Variants in TFPI observed in about 807,000 individuals in gnomAD.
TFPI encodes tissue factor pathway inhibitor.
In TFPI, 15 loss-of-function variants were observed where a neutral mutation model predicts 34.6. That is an observed-to-expected ratio of 0.43 (90% confidence interval 0.29 to 0.67). The LOEUF is 0.67. Ranked by LOEUF, TFPI falls within the 30% of genes least tolerant of loss-of-function variation. The probability of loss-of-function intolerance (pLI) is 0.15; values close to 1 mark genes in which losing one functional copy is unlikely to be tolerated. For synonymous variants in TFPI, 105 were observed against 120.1 expected, an observed-to-expected ratio of 0.87 and a Z score of 0.82; for missense variants, 301 against 364.0, an observed-to-expected ratio of 0.83 and a Z score of 1.41.
At chr2:187,484,246 A>G in intron 5 of TFPI, 30 bp from the exon 6 acceptor site, 1 of 1,582,036 alleles carries the variant, frequency 6.3e-7, no homozygotes, top group Non-Finnish European at 8.7e-7. Context: ...ATTAAAATAG[A>G]TAAACATTGT....
chr2:187,467,140 A>C (rs918979552), intron 7 of TFPI, 98 bp from the exon 8 acceptor site: 7 of 785,228 alleles, frequency 8.9e-6, no homozygotes, highest in African/African-American at 1.8e-5. Flanking sequence ...ATTTAAATCC[A>C]AAAGATGTTA....
At chr2:187,542,512 A>T (rs1159355028) in intron 1 of TFPI, among the ~76,000 whole-genome samples, 1 of 152,152 alleles carries the variant, frequency 6.6e-6, no homozygotes, top group Non-Finnish European at 1.5e-5. Context: ...GTAGACTTTT[A>T]AAAATGTGAA....
At chr2:187,529,154 TG>T (rs1432437188) in intron 1 of TFPI, among the ~76,000 whole-genome samples, 2 of 152,188 alleles carry the variant, frequency 1.3e-5, no homozygotes, top group Non-Finnish European at 2.9e-5. Context: ...GTTTGAAGTT[TG>T]GTAAGAATGC....
chr2:187,547,938 G>A (rs1263867610), intron 1 of TFPI, among the ~76,000 whole-genome samples: 1 of 152,004 alleles, frequency 6.6e-6, no homozygotes, highest in Non-Finnish European at 1.5e-5. Flanking sequence ...ATGGTGACCA[G>A]AGATTTGATA....
intron 3 of TFPI, among the ~76,000 whole-genome samples, chr2:187,492,686 G>A (rs1170028067): frequency 2.6e-5 from 4 of 152,140 alleles, no homozygotes; most frequent in African/African-American, 9.7e-5. Context: ...CTGCCCTGCT[G>A]GATTTTGGAC....
At chr2:187,533,061 C>T (rs1204290984) in intron 1 of TFPI, among the ~76,000 whole-genome samples, 1 of 152,156 alleles carries the variant, frequency 6.6e-6, no homozygotes, top group Non-Finnish European at 1.5e-5. Context: ...AACAGCAGCC[C>T]CAGTCAGGGG....
chr2:187,498,225 A>C (rs988119350), intron 2 of TFPI, among the ~76,000 whole-genome samples: 1 of 151,824 alleles, frequency 6.6e-6, no homozygotes, highest in Non-Finnish European at 1.5e-5. Flanking sequence ...ATACAGGATA[A>C]GTTTTTGGAG....
intron 1 of TFPI, among the ~76,000 whole-genome samples, chr2:187,512,422 G>A (rs768407585): frequency 1.3e-5 from 2 of 151,668 alleles, no homozygotes; most frequent in African/African-American, 2.4e-5. Flanking sequence ...TTCCTAACAG[G>A]GGATTTAAAT....
chr2:187,488,416 T>C (rs767623169), intron 3 of TFPI, 41 bp from the exon 4 acceptor site: 2 of 1,274,236 alleles, frequency 1.6e-6, no homozygotes, highest in South Asian at 3.3e-5. Flanking sequence ...TGTCACAATT[T>C]ATAAAGTAAT....
intron 6 of TFPI, among the ~76,000 whole-genome samples, chr2:187,470,351 T>C (rs1691960585): frequency 6.6e-6 from 1 of 152,160 alleles, no homozygotes; most frequent in Admixed American, 6.6e-5. Flanking sequence ...AGCAAACTTC[T>C]TCTCTTTTCC....
At chr2:187,479,136 A>C (rs2105986796) in intron 6 of TFPI, among the ~76,000 whole-genome samples, 1 of 152,190 alleles carries the variant, frequency 6.6e-6, no homozygotes, top group South Asian at 2.1e-4. Flanking sequence ...AGAGTGAGTA[A>C]TTTGTGTTTA....
At chr2:187,488,405 T>C (rs751839826) in intron 3 of TFPI, 30 bp from the exon 4 acceptor site, 1 of 1,375,938 alleles carries the variant, frequency 7.3e-7, no homozygotes, top group Non-Finnish European at 9.8e-7. Flanking sequence ...TGCATATCAA[T>C]TGTCACAATT....
intron 6 of TFPI, among the ~76,000 whole-genome samples, chr2:187,469,494 A>G (rs1347608810): frequency 6.6e-6 from 1 of 152,024 alleles, no homozygotes; most frequent in Non-Finnish European, 1.5e-5. Flanking sequence ...TATTGTGTAT[A>G]TGTGAGGTTT....
intron 1 of TFPI, among the ~76,000 whole-genome samples, chr2:187,541,119 A>C (rs1160379520): frequency 6.6e-6 from 1 of 152,044 alleles, no homozygotes; most frequent in African/African-American, 2.4e-5. Context: ...ACACTCAAAA[A>C]CTGTAAGACA....
chr2:187,538,240 C>T (rs1268842790), intron 1 of TFPI, among the ~76,000 whole-genome samples: 3 of 152,148 alleles, frequency 2.0e-5, no homozygotes, highest in Non-Finnish European at 4.4e-5. Flanking sequence ...ACTGGGTATA[C>T]ACCCAAAGGA....
chr2:187,519,052 T>C (rs534021296), intron 1 of TFPI: 1 of 152,328 alleles, frequency 6.6e-6, no homozygotes, highest in South Asian at 2.1e-4. Context: ...TATAATCTTT[T>C]TTTTAAGATT....
intron 6 of TFPI, among the ~76,000 whole-genome samples, chr2:187,468,286 C>CAT (rs1395565751): frequency 6.6e-6 from 1 of 151,674 alleles, no homozygotes; most frequent in Non-Finnish European, 1.5e-5. Context: ...CACACACACA[C>CAT]ACACATCACA....
chr2:187,487,840 T>C lies in TFPI; in HGVS notation c.358+497A>G, dbSNP rs971434451. On this transcript the variant is annotated intron_variant, in intron 4 of 7. Transcript: ENST00000233156. ...TATAACTGCTGACAACTCAGAGACA[T>C]ACATCCATTCAAGGGAATATTTGGT... Among the ~76,000 whole-genome samples, 26 of 151,402 alleles carry C rather than the reference T, an allele frequency of 1.7e-4. 1 individual carries two copies. Among genetic ancestry groups the C allele is most frequent in the Admixed American group, 1.5e-3 (22 of 15,156 alleles).
At chr2:187,484,713 G>T (rs1693132161) in intron 5 of TFPI, 98 bp downstream of exon 5, 2 of 1,091,326 alleles carry the variant, frequency 1.8e-6, no homozygotes, top group Non-Finnish European at 2.6e-6. Context: ...TCATTTGCAT[G>T]GCTCAAACAA....
Sources: gnomAD v4.1 joint callset for allele counts (sites outside exome capture counted in the v4.1 genomes callset) on GRCh38, gnomAD v4.1.1 for gene constraint, MANE v1.5 for transcripts, NCBI Gene and HGNC (gene_info 2026-07-23, HGNC 2026-07-21) for gene names.